The following AGTPBP1 variants were observed in gnomAD, a reference collection of about 807,000 sequenced individuals.
AGTPBP1 encodes ATP/GTP binding carboxypeptidase 1, also known as cytosolic carboxypeptidase 1.
Under a neutral mutation model 143.9 loss-of-function variants are expected in AGTPBP1, and 70 were observed. The observed-to-expected ratio is 0.49, with a 90% CI of 0.40 to 0.59. AGTPBP1 has a LOEUF of 0.59. AGTPBP1 is among the 20% of genes least tolerant of loss of function. The pLI is 0.00. For missense variants in AGTPBP1, 1,229 were observed against 1,464.5 expected (o/e 0.84, Z 2.62); for synonymous variants, 463 against 500.2 (o/e 0.93, Z 0.99).
At chr9:85,801,244 G>A in the AGTPBP1 span, among the ~76,000 whole-genome samples, 724 of 152,172 alleles carry the variant, frequency 4.8e-3, 3 homozygotes, top group African/African-American at 0.016. Context: ...CCAGGGAGGC[G>A]GAAGTTGCAG....
At chr9:85,695,928 A>C (rs2134307158) in intron 2 of AGTPBP1, among the ~76,000 whole-genome samples, 1 of 151,316 alleles carries the variant, frequency 6.6e-6, no homozygotes, top group Non-Finnish European at 1.5e-5. Context: ...TGAAACCTCC[A>C]TGTCCCAGGT....
chr9:85,595,428 G>C (rs1829233030), intron 18 of AGTPBP1, among the ~76,000 whole-genome samples: 1 of 152,194 alleles, frequency 6.6e-6, no homozygotes, highest in Admixed American at 6.5e-5. Context: ...AAAATGAGAA[G>C]CAAGATACAT....
intron 25 of AGTPBP1, among the ~76,000 whole-genome samples, chr9:85,569,328 T>A (rs566448467): frequency 4.6e-5 from 7 of 152,100 alleles, no homozygotes; most frequent in African/African-American, 1.7e-4. Context: ...ATGACAAGAA[T>A]TTGCACTTAT....
intron 25 of AGTPBP1, among the ~76,000 whole-genome samples, chr9:85,571,567 C>G (rs1017876068): frequency 2.6e-5 from 4 of 151,994 alleles, no homozygotes; most frequent in Non-Finnish European, 5.9e-5. Flanking sequence ...AAGTACGTGC[C>G]CATTAAAATA....
intron 14 of AGTPBP1, among the ~76,000 whole-genome samples, chr9:85,630,391 C>CTTACTTACTTATTTATTTAT (rs777830669): frequency 2.4e-4 from 36 of 151,484 alleles, no homozygotes; most frequent in South Asian, 1.9e-3. Context: ...TACTTACTTA[C>CTTACTTACTTATTTATTTAT]TTATTTATTT....
chr9:85,666,089 C>G (rs76768204), intron 8 of AGTPBP1, among the ~76,000 whole-genome samples: 3,494 of 152,036 alleles, frequency 0.023, 124 homozygotes, highest in African/African-American at 0.073. Context: ...ATACTACAAG[C>G]AACAATAATT....
chr9:85,720,761 G>A (rs1387964955), intron 1 of AGTPBP1, among the ~76,000 whole-genome samples: 6 of 151,982 alleles, frequency 3.9e-5, no homozygotes, highest in Admixed American at 1.3e-4. Flanking sequence ...ATGTTAGGGC[G>A]TCGATTTTAG....
chr9:85,594,607 T>G (rs1235803769), intron 18 of AGTPBP1, among the ~76,000 whole-genome samples: 1 of 151,990 alleles, frequency 6.6e-6, no homozygotes, highest in African/African-American at 2.4e-5. Flanking sequence ...AAATTAAAAT[T>G]TAAATAAATA....
chr9:85,588,480 TA>T lies in AGTPBP1; in HGVS notation c.2723-3del. 1 of 1,608,260 alleles carries T rather than the reference TA, an allele frequency of 6.2e-7. No individual in the cohort carries two copies. The highest frequency in any genetic ancestry group is 1.1e-5 in the South Asian group (1 of 89,922). ...ACAAGAAAACGTAAGGGCGATTTCC[TA>T]AAGTACACATAAAATCTCAAATTAA... On this transcript the variant is annotated splice_polypyrimidine_tract_variant and splice_region_variant and intron_variant, in intron 20 of 25. Transcript: ENST00000357081.
At chr9:85,782,679 A>G in the AGTPBP1 span, among the ~76,000 whole-genome samples, 1 of 152,220 alleles carries the variant, frequency 6.6e-6, no homozygotes, top group East Asian at 1.9e-4. Context: ...AGGACAGAAC[A>G]GTAACTATAA....
chr9:85,582,084 TAGAGA>T (rs574710446), intron 23 of AGTPBP1, among the ~76,000 whole-genome samples: 149 of 152,338 alleles, frequency 9.8e-4, no homozygotes, highest in African/African-American at 3.3e-3. Flanking sequence ...ATTTTAAACT[TAGAGA>T]AAAGTTGCAA....
chr9:85,765,561 A>G, the AGTPBP1 span, among the ~76,000 whole-genome samples: 1 of 152,112 alleles, frequency 6.6e-6, no homozygotes, highest in South Asian at 2.1e-4. Context: ...TGGGCTGTCA[A>G]ATTGCCCCAG....
chr9:85,767,828 AGTT>A, the AGTPBP1 span, among the ~76,000 whole-genome samples: 10 of 152,206 alleles, frequency 6.6e-5, no homozygotes, highest in East Asian at 5.8e-4. Context: ...CTTGCTCAAA[AGTT>A]GTTGTTAGTT....
At chr9:85,586,572 A>G (rs1399143510) in intron 22 of AGTPBP1, among the ~76,000 whole-genome samples, 3 of 152,188 alleles carry the variant, frequency 2.0e-5, no homozygotes, top group African/African-American at 7.2e-5. Flanking sequence ...GAGAATTTGG[A>G]AGATACATAT....
intron 25 of AGTPBP1, among the ~76,000 whole-genome samples, chr9:85,550,612 A>G (rs775454790): frequency 1.3e-5 from 2 of 152,018 alleles, no homozygotes; most frequent in Non-Finnish European, 2.9e-5. Flanking sequence ...TCTAGCCCCA[A>G]CTTCTCCATG....
intron 1 of AGTPBP1, among the ~76,000 whole-genome samples, chr9:85,731,477 T>G (rs886445012): frequency 1.3e-5 from 2 of 152,092 alleles, no homozygotes; most frequent in Non-Finnish European, 2.9e-5. Context: ...TGTTTGTTTT[T>G]GAGACACGGT....
intron 25 of AGTPBP1, among the ~76,000 whole-genome samples, chr9:85,573,699 G>A (rs1396545378): frequency 6.6e-6 from 1 of 151,548 alleles, no homozygotes; most frequent in East Asian, 1.9e-4. Context: ...AGGAAGTAAG[G>A]AGCGTCTCTG....
the AGTPBP1 span, among the ~76,000 whole-genome samples, chr9:85,779,184 TATAGATATAGATATAGATATAGATATAG>T: frequency 2.8e-4 from 8 of 28,122 alleles, no homozygotes; most frequent in African/African-American, 7.3e-4. Flanking sequence ...GATATATAGA[TATAGATATAGATATAGATATAGATATAG>T]ATATAGATAT....
chr9:85,658,167 AATTAT>A (rs1287738283), intron 9 of AGTPBP1, among the ~76,000 whole-genome samples: 1 of 152,168 alleles, frequency 6.6e-6, no homozygotes, highest in Non-Finnish European at 1.5e-5. Context: ...ATTACTCCAC[AATTAT>A]ATAAATATTC....
Sources: gnomAD v4.1 joint callset for allele counts (sites outside exome capture counted in the v4.1 genomes callset) on GRCh38, gnomAD v4.1.1 for gene constraint, MANE v1.5 for transcripts, NCBI Gene and HGNC (gene_info 2026-07-23, HGNC 2026-07-21) for gene names.